Variants in OPA1 observed in about 807,000 individuals in gnomAD.
OPA1 encodes the protein OPA1 mitochondrial dynamin like GTPase.
In OPA1, 59 loss-of-function variants were observed where a neutral mutation model predicts 152.9. The observed-to-expected ratio is 0.39, with a 90% CI of 0.31 to 0.48. The LOEUF (loss-of-function observed/expected upper bound fraction) is 0.48. Among genes scored for constraint, OPA1 ranks in the 20% least tolerant of loss-of-function variants. The pLI is 0.96. For missense variants in OPA1, 1,008 were observed against 1,216.8 expected (o/e 0.83, Z 2.55); for synonymous variants, 400 against 389.9 (o/e 1.03, Z -0.31).
Position 193,644,257 on chromosome 3 carries a change from G to A in OPA1, c.1608+152G>A, listed in dbSNP as rs186822713. On this transcript the variant is annotated intron_variant, in intron 16 of 30. Coordinates refer to ENST00000361510, the MANE Select transcript of OPA1 (RefSeq NM_130837.3). ...GAAAGGATAAAGCAAAATCACAAAA[G>A]GAAATGGTACATGGTATGAAGTCTG... 1.6e-4 allele frequency: 142 copies of A among 872,628 alleles called. 2 individuals are homozygous for A. The East Asian group carries it at 4.2e-3, about 26-fold the overall frequency. The allele number at this position is 872,628 out of a possible 1,614,324, so 54.1% of individuals were successfully genotyped here.
Position 193,604,860 on chromosome 3 carries a change from C to CAAAAAAA in OPA1, c.33-9854_33-9848dup, listed in dbSNP as rs55904490. On this transcript the variant is annotated intron_variant, in intron 1 of 30. Coordinates refer to ENST00000361510, the MANE Select transcript of OPA1 (RefSeq NM_130837.3). ...GGGCAACAAGAGTGAAACTCCATCTCAAAAAAAAAAAAAAAGAAAAAAGAA... is the reference window on the plus strand; with the variant it reads ...GGGCAACAAGAGTGAAACTCCATCTCAAAAAAAAAAAAAAAAAAAAAAGAAAAAAGAA... Among the ~76,000 whole-genome samples the CAAAAAAA allele has an allele frequency of 1.1e-3, 113 of 104,510 alleles. 3 individuals carry two copies. The highest frequency in any genetic ancestry group is 3.4e-3 in the African/African-American group (89 of 26,012). The allele number at this position is 104,510 out of a possible 152,430, so 68.6% of individuals were successfully genotyped here.
chr3:193,641,832 TG>T (rs1733825163), intron 11 of OPA1, among the ~76,000 whole-genome samples: 1 of 152,222 alleles, frequency 6.6e-6, no homozygotes, highest in African/African-American at 2.4e-5. Context: ...TAACATTTCT[TG>T]GCTGGGTGCA....
intron 29 of OPA1, among the ~76,000 whole-genome samples, chr3:193,689,628 A>C (rs1174942870): frequency 1.3e-5 from 2 of 152,144 alleles, no homozygotes; most frequent in African/African-American, 4.8e-5. Flanking sequence ...TTCTCTGAAT[A>C]GTCTCTTGTA....
chr3:193,606,853 C>T (rs1685499072), intron 1 of OPA1, among the ~76,000 whole-genome samples: 1 of 152,222 alleles, frequency 6.6e-6, no homozygotes, highest in African/African-American at 2.4e-5. Flanking sequence ...CTGACTTCCA[C>T]AATGGTTGAA....
chr3:193,608,936 T>G (rs186813571), intron 1 of OPA1, among the ~76,000 whole-genome samples: 11 of 152,344 alleles, frequency 7.2e-5, no homozygotes, highest in African/African-American at 2.6e-4. Context: ...CTTGTTGAAT[T>G]GATCCCTTTA....
chr3:193,687,493 ATATT>A (rs1370809501), intron 29 of OPA1, among the ~76,000 whole-genome samples: 1 of 152,210 alleles, frequency 6.6e-6, no homozygotes, highest in Non-Finnish European at 1.5e-5. Flanking sequence ...TTTAATTCAA[ATATT>A]TAATGGAAAT....
At chr3:193,687,886 T>C (rs1329050563) in intron 29 of OPA1, among the ~76,000 whole-genome samples, 2 of 152,256 alleles carry the variant, frequency 1.3e-5, no homozygotes, top group African/African-American at 4.8e-5. Context: ...CATAGCCAGC[T>C]CTTTCAGCCT....
At chr3:193,638,745 A>G (rs746954064) in intron 11 of OPA1, among the ~76,000 whole-genome samples, 24 of 152,330 alleles carry the variant, frequency 1.6e-4, no homozygotes, top group Non-Finnish European at 2.6e-4. Flanking sequence ...CTAGGATTTG[A>G]CATTTTCAGC....
At chr3:193,617,006 T>A (rs949712237) in intron 3 of OPA1, among the ~76,000 whole-genome samples, 172 bp from the exon 4 acceptor site, 4 of 152,358 alleles carry the variant, frequency 2.6e-5, no homozygotes, top group Middle Eastern at 6.8e-3. Flanking sequence ...CCCGGGCTCC[T>A]CCACTTCCTT....
intron 16 of OPA1, 117 bp from the exon 17 acceptor site, chr3:193,645,436 C>G (rs775503837): frequency 1.2e-4 from 78 of 677,370 alleles, no homozygotes; most frequent in Non-Finnish European, 1.7e-4. Context: ...TGCTTTTGTG[C>G]AGATTTATTT....
intron 7 of OPA1, chr3:193,628,705 A>C (rs763559205): frequency 1.3e-5 from 2 of 152,360 alleles, no homozygotes; most frequent in Non-Finnish European, 2.9e-5. Flanking sequence ...GAATTTTATC[A>C]GTAAAGCACA....
At chr3:193,597,027 C>G (rs1220520149) in intron 1 of OPA1, 1 of 152,146 alleles carries the variant, frequency 6.6e-6, no homozygotes, top group Non-Finnish European at 1.5e-5. Context: ...TGGTTAATCT[C>G]TCTAAATTGA....
chr3:193,664,529 A>T (rs1716071958), intron 26 of OPA1, among the ~76,000 whole-genome samples: 1 of 152,008 alleles, frequency 6.6e-6, no homozygotes, highest in African/African-American at 2.4e-5. Context: ...GTTTTTAGAT[A>T]AGGCTTTCAA....
chr3:193,645,776 T>C lies in OPA1; in HGVS notation c.1730T>C (p.Phe577Ser). ...IEAIREYEEE[F>S]FQNSKLLKTS... ...GCTATAAGAGAATATGAAGAAGAGT[T>C]TTTTCAGAATTCAAAGCTCCTAAAG... Residue 577 changes from phenylalanine (F) to serine (S), a missense_variant, in exon 18 of 31, where the codon TTT (phenylalanine) becomes TCT (serine). Physicochemically the swap from Phe to Ser is radical, Grantham distance 155. Coordinates refer to ENST00000361510, the MANE Select transcript of OPA1 (RefSeq NM_130837.3). 1 of 1,613,262 alleles carries C rather than the reference T, an allele frequency of 6.2e-7. No individual in the cohort carries two copies. Among genetic ancestry groups the C allele is most frequent in the Non-Finnish European group, 8.5e-7 (1 of 1,179,494 alleles).
At chr3:193,666,269 G>T in intron 27 of OPA1, 27 bp from the exon 28 acceptor site, 1 of 1,577,672 alleles carries the variant, frequency 6.3e-7, no homozygotes, top group South Asian at 1.1e-5. Context: ...CTTTGCATCT[G>T]GTAATCTTAG....
chr3:193,636,607 G>A (rs776684763), intron 9 of OPA1, among the ~76,000 whole-genome samples: 3 of 151,778 alleles, frequency 2.0e-5, no homozygotes, highest in Non-Finnish European at 4.4e-5. Context: ...CGCAATGCAA[G>A]GCACCACATT....
At chr3:193,631,529 C>A in intron 7 of OPA1, 83 bp from the exon 8 acceptor site, 1 of 968,732 alleles carries the variant, frequency 1.0e-6, no homozygotes, top group Non-Finnish European at 1.6e-6. Context: ...TTTTAACTCT[C>A]AATACTTATC....
At chr3:193,630,892 A>G (rs1376071224) in intron 7 of OPA1, among the ~76,000 whole-genome samples, 1 of 152,154 alleles carries the variant, frequency 6.6e-6, no homozygotes, top group Non-Finnish European at 1.5e-5. Context: ...AGCATTAATA[A>G]CAATTTGAAG....
chr3:193,651,045 A>G (rs545755021), intron 21 of OPA1, among the ~76,000 whole-genome samples: 19 of 152,184 alleles, frequency 1.2e-4, no homozygotes, highest in Non-Finnish European at 2.4e-4. Context: ...AAGAAAGGCG[A>G]CACAGGTAGC....
Sources: gnomAD v4.1 joint callset for allele counts (sites outside exome capture counted in the v4.1 genomes callset) on GRCh38, gnomAD v4.1.1 for gene constraint, MANE v1.5 for transcripts, NCBI Gene and HGNC (gene_info 2026-07-23, HGNC 2026-07-21) for gene names.